GMDS: variants seen among roughly 807,000 people sequenced by gnomAD.
GMDS encodes the protein GDP-mannose 4,6-dehydratase, also known as GDP-mannose 4,6 dehydratase.
A neutral mutation model predicts 49.9 loss-of-function variants in GMDS; 20 were observed. That is an observed-to-expected ratio of 0.40 (90% CI 0.28 to 0.58). The LOEUF is 0.58. GMDS is among the 20% of genes least tolerant of loss of function. The probability of loss-of-function intolerance (pLI) is 0.42; values close to 1 mark genes in which losing one functional copy is unlikely to be tolerated. For synonymous variants in GMDS, 177 were observed against 178.6 expected, an observed-to-expected ratio of 0.99 and a Z score of 0.07; for missense variants, 362 against 481.4, an observed-to-expected ratio of 0.75 and a Z score of 2.32.
At chr6:1,673,881 T>C (rs1412144866) in intron 9 of GMDS, among the ~76,000 whole-genome samples, 2 of 151,990 alleles carry the variant, frequency 1.3e-5, no homozygotes, top group East Asian at 3.9e-4. Context: ...CTCATTTCCT[T>C]TTATCACTGA....
At chr6:1,771,589 A>G (rs1768578536) in intron 7 of GMDS, among the ~76,000 whole-genome samples, 1 of 152,254 alleles carries the variant, frequency 6.6e-6, no homozygotes, top group Non-Finnish European at 1.5e-5. Flanking sequence ...TGCATCCTAC[A>G]GCTACACAGC....
intron 7 of GMDS, among the ~76,000 whole-genome samples, chr6:1,781,215 G>A (rs1199999591): frequency 2.0e-5 from 3 of 152,194 alleles, no homozygotes; most frequent in African/African-American, 7.2e-5. Context: ...GGGGTCTCCA[G>A]CTCTGCCTGG....
chr6:2,149,120 T>C (rs193135496), intron 1 of GMDS, among the ~76,000 whole-genome samples: 129 of 152,210 alleles, frequency 8.5e-4, no homozygotes, highest in Non-Finnish European at 1.4e-3. Context: ...ATAACATTTC[T>C]TCTGCTTGCT....
chr6:1,704,880 A>G (rs9378307), intron 9 of GMDS, among the ~76,000 whole-genome samples: 56,053 of 149,624 alleles, frequency 0.37, 11,513 homozygotes, highest in African/African-American at 0.54. Context: ...GAGGGGTGTG[A>G]GGGTTCAAGT....
chr6:1,649,373 T>G (rs1308288219), intron 9 of GMDS, among the ~76,000 whole-genome samples: 1 of 152,226 alleles, frequency 6.6e-6, no homozygotes, highest in Non-Finnish European at 1.5e-5. Context: ...TTAGTTCAAA[T>G]TGAGGTCAGA....
chr6:2,167,325 C>T (rs1173828167), intron 1 of GMDS, among the ~76,000 whole-genome samples: 1 of 152,118 alleles, frequency 6.6e-6, no homozygotes, highest in Non-Finnish European at 1.5e-5. Context: ...ATACTTACCA[C>T]ACCCATTTTC....
rs1426224225 is a variant in GMDS, at chr6:2,191,708, G to A, written c.102+53613C>T. 6.6e-6 allele frequency among the ~76,000 whole-genome samples: 1 copy of A among 152,230 alleles called. No individual in the cohort carries two copies. The highest frequency in any genetic ancestry group is 2.1e-4 in the South Asian group (1 of 4,834). On this transcript the variant is annotated intron_variant, in intron 1 of 10. Coordinates refer to ENST00000380815, the MANE Select transcript of GMDS (RefSeq NM_001500.4). The surrounding 1 kb of genome is among the most constrained non-coding windows in gnomAD (Gnocchi z 4.6). ...CCAGACTCTGTGTGCTGACAAGCAT[G>A]GGATGTGGAACCTAGGGGGACACTG...
intron 7 of GMDS, among the ~76,000 whole-genome samples, chr6:1,909,132 T>A (rs1460211402): frequency 1.3e-5 from 2 of 152,214 alleles, no homozygotes; most frequent in Non-Finnish European, 2.9e-5. Context: ...GAGCATATCA[T>A]ACATCTTGAT....
At chr6:2,163,597 T>C (rs141677145) in intron 1 of GMDS, among the ~76,000 whole-genome samples, 1 of 152,244 alleles carries the variant, frequency 6.6e-6, no homozygotes, top group East Asian at 1.9e-4. Flanking sequence ...GAGATAACAT[T>C]TTAATTTGAG....
At chr6:2,197,142 A>C (rs536036348) in intron 1 of GMDS, among the ~76,000 whole-genome samples, 44 of 152,352 alleles carry the variant, frequency 2.9e-4, no homozygotes, top group African/African-American at 1.1e-3. Context: ...TCATTAGCAA[A>C]CTGACACATC....
chr6:2,064,578 A>C (rs1351870822), intron 4 of GMDS, among the ~76,000 whole-genome samples: 4 of 152,014 alleles, frequency 2.6e-5, no homozygotes, highest in Admixed American at 2.6e-4. Context: ...CTCCTCCCCG[A>C]TTCCCTACAA....
At chr6:2,049,736 G>T (rs1267402757) in intron 4 of GMDS, among the ~76,000 whole-genome samples, 1 of 152,114 alleles carries the variant, frequency 6.6e-6, no homozygotes, top group African/African-American at 2.4e-5. Flanking sequence ...CCTCAAAACC[G>T]CACAACAACA....
chr6:1,859,560 G>A (rs932365500), intron 7 of GMDS, among the ~76,000 whole-genome samples: 5 of 152,154 alleles, frequency 3.3e-5, no homozygotes, highest in Admixed American at 1.3e-4. Flanking sequence ...TTTTGGTTTT[G>A]GTTTTTTGAG....
At chr6:2,208,303 T>A (rs1338313115) in intron 1 of GMDS, among the ~76,000 whole-genome samples, 1 of 152,022 alleles carries the variant, frequency 6.6e-6, no homozygotes, top group Non-Finnish European at 1.5e-5. Context: ...AGGAGACTTG[T>A]TCTGTTACCA....
chr6:1,990,061 C>A (rs1437610745), intron 4 of GMDS, among the ~76,000 whole-genome samples: 1 of 152,200 alleles, frequency 6.6e-6, no homozygotes, highest in East Asian at 1.9e-4. Context: ...CTTTGGGAGG[C>A]CAAGGCGGGT....
At chr6:1,669,033 T>G (rs1764330513) in intron 9 of GMDS, among the ~76,000 whole-genome samples, 1 of 152,242 alleles carries the variant, frequency 6.6e-6, no homozygotes, top group Admixed American at 6.5e-5. Context: ...AGTACTGTTT[T>G]CACTAGTGAA....
intron 8 of GMDS, among the ~76,000 whole-genome samples, chr6:1,742,135 T>G (rs552386913): frequency 1.8e-4 from 28 of 152,136 alleles, no homozygotes; most frequent in Middle Eastern, 3.4e-3. Flanking sequence ...TTGGTCAGGC[T>G]GGTCTTGAAC....
At chr6:1,874,353 G>C (rs1234104268) in intron 7 of GMDS, among the ~76,000 whole-genome samples, 1 of 152,150 alleles carries the variant, frequency 6.6e-6, no homozygotes, top group East Asian at 1.9e-4. Flanking sequence ...ATACTCCTTA[G>C]TAAAAAGAGA....
At chr6:1,820,293 A>T (rs1314910347) in intron 7 of GMDS, among the ~76,000 whole-genome samples, 1 of 152,230 alleles carries the variant, frequency 6.6e-6, no homozygotes, top group Non-Finnish European at 1.5e-5. Context: ...GTAAAAACAT[A>T]CACACAAAAA....
Sources: gnomAD v4.1 joint callset for allele counts (sites outside exome capture counted in the v4.1 genomes callset) on GRCh38, gnomAD v4.1.1 for gene constraint, Gnocchi (gnomAD v3.1) non-coding constraint, MANE v1.5 for transcripts, NCBI Gene and HGNC (gene_info 2026-07-23, HGNC 2026-07-21) for gene names.